NEBL: variants seen among roughly 807,000 people sequenced by gnomAD.
The protein encoded by NEBL is LIM and SH3 protein 2.
Under a neutral mutation model 140.2 loss-of-function variants are expected in NEBL, and 122 were observed. The observed-to-expected ratio is 0.87, with a 90% CI of 0.75 to 1.01. The LOEUF is 1.01. Ranked by LOEUF, NEBL falls within the 50% of genes least tolerant of loss-of-function variation. NEBL has a pLI of 0.00. For missense variants in NEBL, 1,365 were observed against 1,231.3 expected, an observed-to-expected ratio of 1.11 and a Z score of -1.62; for synonymous variants, 436 against 398.9, an observed-to-expected ratio of 1.09 and a Z score of -1.11.
rs533225203 is a variant in NEBL at position 20,868,664 on chromosome 10, T to C, written c.684A>G (p.Gln228=). The change falls in exon 7 of 28, where the codon CAA becomes CAG. Residue 228 remains glutamine, a splice_region_variant and synonymous_variant. Transcript: ENST00000377122. ...TGTGGAATCATCACTAAAGCCTTAC[T>C]TGACTAGAAAGTTTAGAAGCTTCCA... ...HAVEASKLSS[Q]IKYKEKFDNE... 13 of 1,594,164 alleles carry C rather than the reference T, an allele frequency of 8.2e-6. No homozygotes were observed. Among genetic ancestry groups the C allele is most frequent in the South Asian group, 2.2e-5 (2 of 90,712 alleles).
At chr10:20,862,502 C>T (rs1429091313) in intron 7 of NEBL, among the ~76,000 whole-genome samples, 3 of 152,182 alleles carry the variant, frequency 2.0e-5, no homozygotes, top group African/African-American at 7.2e-5. Flanking sequence ...CACTCACCTT[C>T]GGACTTGTTC....
chr10:20,911,621 C>T (rs769198649), intron 4 of NEBL, among the ~76,000 whole-genome samples: 12 of 152,098 alleles, frequency 7.9e-5, no homozygotes, highest in Non-Finnish European at 1.2e-4. Context: ...GAGCATTTAA[C>T]TCAAGTACAT....
At chr10:20,957,179 A>T (rs955524058) in intron 4 of NEBL, among the ~76,000 whole-genome samples, 4 of 152,208 alleles carry the variant, frequency 2.6e-5, no homozygotes. Flanking sequence ...GGCAATGTTT[A>T]GTCCCAATAA....
At chr10:21,106,088 C>T (rs953696197) in intron 2 of NEBL, among the ~76,000 whole-genome samples, 1 of 151,906 alleles carries the variant, frequency 6.6e-6, no homozygotes, top group Middle Eastern at 3.4e-3. Flanking sequence ...TGGATATTAG[C>T]CCTTTGTCAG....
rs763969430 is a variant in NEBL at position 20,858,436 on chromosome 10, C to T, written c.799-92G>A. On this transcript the variant is annotated intron_variant, in intron 8 of 27. Transcript: ENST00000377122. ...ATTTTTCATACATCATAAAGTAGGACTATTTAGTGGTAAATGGACAGACGA... is the reference window on the plus strand; with the variant it reads ...ATTTTTCATACATCATAAAGTAGGATTATTTAGTGGTAAATGGACAGACGA... 4 of 1,086,900 alleles carry T rather than the reference C, an allele frequency of 3.7e-6. No individual in the cohort carries two copies. In the Admixed American group the frequency reaches 5.8e-5, roughly 16 times the overall value. The allele number at this position is 1,086,900 out of a possible 1,614,324, so 67.3% of individuals were successfully genotyped here.
intron 2 of NEBL, among the ~76,000 whole-genome samples, chr10:21,052,900 C>A (rs549526154): frequency 1.3e-5 from 2 of 152,226 alleles, no homozygotes; most frequent in South Asian, 4.1e-4. Flanking sequence ...ATAAATAATT[C>A]GCTGACATAC....
intron 4 of NEBL, among the ~76,000 whole-genome samples, chr10:20,912,402 G>A (rs778927322): frequency 5.3e-5 from 8 of 152,162 alleles, no homozygotes; most frequent in African/African-American, 1.7e-4. Context: ...AATGCGCTAC[G>A]ATCGTGCCAC....
Position 20,917,806 on chromosome 10 carries a change from C to A in NEBL, c.357+43866G>T, listed in dbSNP as rs374565548. On this transcript the variant is annotated intron_variant, in intron 4 of 6. Transcript: ENST00000417816. ...TTTATATTTCACTTTCAAGATACTTCTTTGAGAAGCCAAGATTCTATACTA... is the reference window on the plus strand; with the variant it reads ...TTTATATTTCACTTTCAAGATACTTATTTGAGAAGCCAAGATTCTATACTA... Among the ~76,000 whole-genome samples, 18 of 152,220 alleles carry A rather than the reference C, an allele frequency of 1.2e-4. No homozygotes were observed. In the South Asian group the frequency reaches 1.7e-3, roughly 14 times the overall value.
In NEBL at chr10:21,173,759, G is replaced by C; in HGVS notation, c.69+6C>G. 1 of 1,612,668 alleles carries C rather than the reference G, an allele frequency of 6.2e-7. No homozygotes were observed. On this transcript the variant is annotated splice_donor_region_variant and intron_variant, in intron 1 of 6. Coordinates refer to the NEBL transcript ENST00000417816. This position sits in a 1 kb window ranked among gnomAD's most constrained non-coding sequence, Gnocchi z 5.7. ...GTCCAGGCTGGCCCGGCGCCCCCTC[G>C]CTCACCTTATCCAGGCAGTTGACTT...
rs142347225 is a variant in NEBL, at chr10:21,256,774, G to T, written n.183-4946C>A. On this transcript the variant is annotated intron_variant and non_coding_transcript_variant, in intron 1 of 8. Transcript: ENST00000675702. The stretch of plus-strand genomic sequence containing the variant: ...AAACTCCTTGAGCCCAGGAGTTCCA[G>T]GCTGTAGTGAGCTCTGATCGTAGCA... 2.9e-3 allele frequency among the ~76,000 whole-genome samples: 436 copies of T among 152,324 alleles called. 2 individuals are homozygous for T. The highest frequency in any genetic ancestry group is 0.024 in the Middle Eastern group (7 of 294).
Position 20,839,240 on chromosome 10 carries a change from T to C in NEBL, c.1338+1499A>G, listed in dbSNP as rs73607525. 9.7e-3 allele frequency among the ~76,000 whole-genome samples: 1,479 copies of C among 152,294 alleles called. 26 individuals carry two copies. Among genetic ancestry groups the C allele is most frequent in the African/African-American group, 0.034 (1,397 of 41,548 alleles). ...AACTGCATCTGTCTGTACTTTGCCA[T>C]TGAGAGAATAAAACAACTTTTACAC... On this transcript the variant is annotated intron_variant, in intron 13 of 27. Coordinates refer to ENST00000377122, the MANE Select transcript of NEBL (RefSeq NM_006393.3).
intron 2 of NEBL, among the ~76,000 whole-genome samples, chr10:21,053,896 G>C (rs997058763): frequency 6.6e-5 from 10 of 152,104 alleles, no homozygotes; most frequent in African/African-American, 2.4e-4. Context: ...AGCCAGGCAT[G>C]GTGGTTCGCA....
intron 2 of NEBL, among the ~76,000 whole-genome samples, chr10:21,070,727 T>C (rs568211193): frequency 6.6e-6 from 1 of 152,204 alleles, no homozygotes; most frequent in South Asian, 2.1e-4. Flanking sequence ...TCCTTTTCTG[T>C]ACAGAAATCT....
At chr10:21,013,738 C>T (rs929087713) in intron 3 of NEBL, among the ~76,000 whole-genome samples, 13 of 152,084 alleles carry the variant, frequency 8.5e-5, no homozygotes, top group African/African-American at 2.9e-4. Flanking sequence ...ATTAGCTAGG[C>T]GTAGTGGTGC....
intron 2 of NEBL, among the ~76,000 whole-genome samples, chr10:21,036,518 C>A (rs1834021989): frequency 1.3e-5 from 2 of 151,846 alleles, no homozygotes; most frequent in African/African-American, 4.8e-5. Context: ...AAGGAAGACC[C>A]CTTAGTTGAT....
chr10:20,878,502 A>T (rs1400218034), intron 5 of NEBL, among the ~76,000 whole-genome samples: 1 of 152,072 alleles, frequency 6.6e-6, no homozygotes, highest in East Asian at 1.9e-4. Flanking sequence ...TTTATGGGAG[A>T]TTGTCTTTTA....
At chr10:21,061,551 T>TATAA (rs1835309185) in intron 2 of NEBL, among the ~76,000 whole-genome samples, 1 of 146,782 alleles carries the variant, frequency 6.8e-6, no homozygotes, top group Non-Finnish European at 1.5e-5. Context: ...ATTTTATACA[T>TATAA]ATATAAATAT....
chr10:20,938,403 A>C (rs1027146296), intron 4 of NEBL, among the ~76,000 whole-genome samples: 7 of 152,234 alleles, frequency 4.6e-5, no homozygotes, highest in Non-Finnish European at 1.0e-4. Flanking sequence ...GAAAACTAAC[A>C]AACAGAAAGG....
chr10:20,961,466 T>C (rs1234770901), intron 4 of NEBL, among the ~76,000 whole-genome samples: 1 of 152,178 alleles, frequency 6.6e-6, no homozygotes, highest in Non-Finnish European at 1.5e-5. Flanking sequence ...GGAGATCTTC[T>C]ATTAGGTAAC....
Sources: gnomAD v4.1 joint callset for allele counts (sites outside exome capture counted in the v4.1 genomes callset) on GRCh38, gnomAD v4.1.1 for gene constraint, Gnocchi (gnomAD v3.1) non-coding constraint, MANE v1.5 for transcripts, NCBI Gene and HGNC (gene_info 2026-07-23, HGNC 2026-07-21) for gene names.